Variants in ZFYVE1 observed in about 807,000 individuals in gnomAD.
ZFYVE1 encodes zinc finger FYVE-type containing 1, also known as zinc finger FYVE domain-containing protein 1.
In ZFYVE1, 30 loss-of-function variants were observed where a neutral mutation model predicts 74.4. That is an observed-to-expected ratio of 0.40 (90% CI 0.30 to 0.55). The LOEUF (loss-of-function observed/expected upper bound fraction) is 0.55, where lower values mean the gene tolerates loss of function less well. Among genes scored for constraint, ZFYVE1 ranks in the 20% least tolerant of loss-of-function variants. The pLI is 0.42. For synonymous variants in ZFYVE1, 335 were observed against 385.1 expected (o/e 0.87, Z 1.52); for missense variants, 703 against 1,011.6 (o/e 0.69, Z 4.14).
At chr14:73,007,135 T>C (rs1893997996) in intron 2 of ZFYVE1, among the ~76,000 whole-genome samples, 1 of 151,996 alleles carries the variant, frequency 6.6e-6, no homozygotes, top group African/African-American at 2.4e-5. Flanking sequence ...CCTCACAGAA[T>C]CATTCTAGAA....
rs552321161 is a variant in ZFYVE1 at position 72,970,031 on chromosome 14, G to C, written c.*851C>G. ...AGATGGTGGGCTTGAGGGGGCCGAG[G>C]GGTGGGAGGCAGATGCTTCGATTGA... On this transcript the variant is annotated 3_prime_UTR_variant, in exon 12 of 12. Coordinates refer to ENST00000556143, the MANE Select transcript of ZFYVE1 (RefSeq NM_021260.4). 3.4e-4 allele frequency: 140 copies of C among 415,358 alleles called. 1 individual carries two copies. The South Asian group carries it at 4.0e-3, about 12-fold the overall frequency. The allele number at this position is 415,358 out of a possible 1,614,324, so 25.7% of individuals were successfully genotyped here.
At chr14:72,999,861 A>G (rs952697937) in intron 2 of ZFYVE1, among the ~76,000 whole-genome samples, 2 of 152,152 alleles carry the variant, frequency 1.3e-5, no homozygotes, top group African/African-American at 4.8e-5. Flanking sequence ...GGAGTTCGAG[A>G]CCAGCCTGGC....
chr14:72,977,944 C>T lies in ZFYVE1; in HGVS notation c.1618G>A (p.Val540Met), dbSNP rs753925903. Residue 540 changes from valine (V) to methionine (M), a missense_variant, in exon 8 of 12, where the codon GTG becomes ATG. Physicochemically the swap from Val to Met is conservative, Grantham distance 21. Coordinates refer to ENST00000556143, the MANE Select transcript of ZFYVE1 (RefSeq NM_021260.4). ...GTTCTTACTCCAGGCCACACATGCA[C>T]AATCTCTGTCCGCACCACCGTATCC... ...PVDTVVRTEI[V>M]HVWPGTDGFL... 5 of 1,614,044 alleles carry T rather than the reference C, an allele frequency of 3.1e-6. No homozygotes were observed. Among genetic ancestry groups the T allele is most frequent in the Admixed American group, 3.3e-5 (2 of 59,990 alleles).
intron 4 of ZFYVE1, among the ~76,000 whole-genome samples, chr14:72,986,683 C>A (rs1010559209): frequency 1.3e-5 from 2 of 151,944 alleles, no homozygotes; most frequent in African/African-American, 4.8e-5. Context: ...CGCGTGCCAC[C>A]ATGCCCAGCT....
At chr14:73,000,754 CAT>C (rs113741284) in intron 2 of ZFYVE1, among the ~76,000 whole-genome samples, 4 of 152,312 alleles carry the variant, frequency 2.6e-5, no homozygotes, top group African/African-American at 9.6e-5. Flanking sequence ...ACTGAAAACA[CAT>C]GTCCACACAA....
intron 2 of ZFYVE1, among the ~76,000 whole-genome samples, chr14:73,002,646 G>C (rs12891315): frequency 1.3e-5 from 2 of 151,684 alleles, no homozygotes; most frequent in African/African-American, 4.8e-5. Context: ...CAAAGCTCCT[G>C]ATTCAAAGAG....
At chr14:73,007,392 AT>A (rs970158762) in intron 2 of ZFYVE1, among the ~76,000 whole-genome samples, 177 of 150,004 alleles carry the variant, frequency 1.2e-3, no homozygotes, top group African/African-American at 4.1e-3. Flanking sequence ...CATTACTCCA[AT>A]TTTTTTTTTC....
At chr14:73,015,943 T>A (rs759364818) in intron 2 of ZFYVE1, among the ~76,000 whole-genome samples, 24 of 151,520 alleles carry the variant, frequency 1.6e-4, no homozygotes, top group Middle Eastern at 3.2e-3. Context: ...AATAAATAAA[T>A]AAAAAATAAA....
At chr14:72,989,829 A>G (rs1689870414) in intron 4 of ZFYVE1, among the ~76,000 whole-genome samples, 2 of 152,162 alleles carry the variant, frequency 1.3e-5, no homozygotes, top group African/African-American at 4.8e-5. Context: ...AAAAAAAGAA[A>G]GAAAAAATGG....
chr14:73,016,281 G>A (rs1443995726), intron 2 of ZFYVE1, among the ~76,000 whole-genome samples: 1 of 152,210 alleles, frequency 6.6e-6, no homozygotes, highest in Non-Finnish European at 1.5e-5. Flanking sequence ...GGAGGCCAAG[G>A]CAGGCGGATC....
intron 2 of ZFYVE1, among the ~76,000 whole-genome samples, chr14:73,018,798 G>C (rs564773240): frequency 4.1e-4 from 62 of 152,144 alleles, no homozygotes; most frequent in African/African-American, 1.4e-3. Context: ...AAAAAAACTA[G>C]CCAGGCGTGG....
In ZFYVE1 at chr14:73,024,835, G is replaced by A. The variant is rs1238712870; in HGVS notation, c.-327C>T. The stretch of plus-strand genomic sequence containing the variant: ...CTGAGAGAGGTCTGATGGGTTCACG[G>A]TGGTGGGTTCATCGGTTGGACATCA... On this transcript the variant is annotated 5_prime_UTR_variant, in exon 2 of 12. Transcript: ENST00000556143. 1 of 218,906 alleles carries A rather than the reference G, an allele frequency of 4.6e-6. No homozygotes were observed. The allele number at this position is 218,906 out of a possible 1,614,324, so 13.6% of individuals were successfully genotyped here.
chr14:72,979,743 T>C (rs1314434895), intron 5 of ZFYVE1, among the ~76,000 whole-genome samples: 2 of 151,656 alleles, frequency 1.3e-5, no homozygotes, highest in Admixed American at 1.3e-4. Context: ...AGATACCAAC[T>C]TGACCAGAGA....
At chr14:72,980,103 AT>A (rs1594833703) in intron 5 of ZFYVE1, among the ~76,000 whole-genome samples, 1 of 152,174 alleles carries the variant, frequency 6.6e-6, no homozygotes, top group East Asian at 1.9e-4. Context: ...GTCAACTAAC[AT>A]CCCTCTCCCC....
Position 73,024,456 on chromosome 14 carries a change from C to A in ZFYVE1, c.53G>T (p.Cys18Phe). The A allele has an allele frequency of 6.2e-7, 1 of 1,613,688 alleles. No individual in the cohort carries two copies. Among genetic ancestry groups the A allele is most frequent in the Non-Finnish European group, 8.5e-7 (1 of 1,179,754 alleles). ...AEKGLNPGLM[C>F]QESYACSGTD... ...CCCGCTGCAAGCGTAACTTTCCTGG[C>A]ACATCAGCCCCGGATTCAGGCCCTT... is the stretch of plus-strand genomic sequence containing the variant. The change falls in exon 2 of 12, where the codon TGC becomes TTC. Residue 18 changes from cysteine to phenylalanine, a missense_variant. Cys to Phe is a radical substitution (Grantham distance 205, BLOSUM62 -2). This residue lies in a region of ZFYVE1 where 211 missense variants were observed against 221.7 expected (regional missense o/e 0.95). Coordinates refer to ENST00000556143, the MANE Select transcript of ZFYVE1 (RefSeq NM_021260.4).
At chr14:72,981,656 G>T in intron 5 of ZFYVE1, 133 bp downstream of exon 5, 1 of 822,562 alleles carries the variant, frequency 1.2e-6, no homozygotes. Context: ...TACCATTTTG[G>T]ATAATTTAAA....
intron 3 of ZFYVE1, among the ~76,000 whole-genome samples, chr14:72,994,641 A>G (rs1893703878): frequency 6.6e-6 from 1 of 152,192 alleles, no homozygotes; most frequent in Non-Finnish European, 1.5e-5. Flanking sequence ...CAAAGCATAA[A>G]AGGAAAGAAA....
chr14:72,974,731 G>A (rs758267961), intron 10 of ZFYVE1, 48 bp downstream of exon 10: 2 of 1,556,682 alleles, frequency 1.3e-6, no homozygotes, highest in Admixed American at 3.6e-5. Context: ...CAGGGCCAAT[G>A]TGGGAGGTTC....
intron 2 of ZFYVE1, among the ~76,000 whole-genome samples, chr14:73,015,927 A>AAAAT (rs570150579): frequency 6.6e-6 from 1 of 152,002 alleles, no homozygotes; most frequent in Non-Finnish European, 1.5e-5. Context: ...CTCCATCTCA[A>AAAAT]AAATAAATAA....
Sources: allele counts gnomAD v4.1 joint callset (sites outside exome capture counted in the v4.1 genomes callset), GRCh38; gene constraint gnomAD v4.1.1; regional missense constraint gnomAD v4.1.1; transcripts MANE v1.5; gene names NCBI Gene and HGNC (gene_info 2026-07-23, HGNC 2026-07-21).